Variants in ZSWIM8 observed in about 807,000 individuals in gnomAD.
The protein encoded by ZSWIM8 is zinc finger SWIM-type containing 8.
Under a neutral mutation model 173.7 loss-of-function variants are expected in ZSWIM8, and 27 were observed. The observed-to-expected ratio is 0.16, with a 90% CI of 0.11 to 0.21. The LOEUF (loss-of-function observed/expected upper bound fraction) is 0.21, where lower values mean the gene tolerates loss of function less well. ZSWIM8 is among the 10% of genes least tolerant of loss of function. The pLI, the probability that ZSWIM8 is intolerant of heterozygous loss-of-function variation, is 1.00. For synonymous variants in ZSWIM8, 958 were observed against 962.0 expected (o/e 1.00, Z 0.08); for missense variants, 1,627 against 2,428.8 (o/e 0.67, Z 6.94).
Position 73,799,107 on chromosome 10 carries a change from C to A in ZSWIM8, c.4282C>A (p.Leu1428Met), listed in dbSNP as rs1160377008. The change falls in exon 21 of 26, where the codon CTG (leucine) becomes ATG (methionine). Residue 1428 changes from leucine to methionine, a missense_variant. Physicochemically the swap from Leu to Met is conservative, Grantham distance 15. Transcript: ENST00000604729. ...LFEVAHQWFW[L>M]YEQTAGGSST... ...TGAGGTTGCTCACCAGTGGTTCTGGCTGTATGAGCAAACTGCAGGTGGCTC... is the reference window on the plus strand; with the variant it reads ...TGAGGTTGCTCACCAGTGGTTCTGGATGTATGAGCAAACTGCAGGTGGCTC... 1 of 1,613,604 alleles carries A rather than the reference C, an allele frequency of 6.2e-7. No homozygotes were observed. Among genetic ancestry groups the A allele is most frequent in the Non-Finnish European group, 8.5e-7 (1 of 1,179,788 alleles).
In ZSWIM8 at chr10:73,792,397, G is replaced by A. The variant is rs754794843; in HGVS notation, c.1858G>A (p.Glu620Lys). 2 of 1,604,954 alleles carry A rather than the reference G, an allele frequency of 1.2e-6. No individual in the cohort carries two copies. The highest frequency in any genetic ancestry group is 1.1e-5 in the South Asian group (1 of 89,994). Reference protein sequence around the residue: ...EDSSLEPDLAEMSLDDSSLAL... With the variant: ...EDSSLEPDLAKMSLDDSSLAL... ...CAGCTCCCTGGAGCCAGACCTGGCCGAGATGAGCCTGGATGACAGCAGCCT... is the reference window on the plus strand; with the variant it reads ...CAGCTCCCTGGAGCCAGACCTGGCCAAGATGAGCCTGGATGACAGCAGCCT... The change falls in exon 10 of 26, where the codon GAG (glutamate) becomes AAG (lysine). Residue 620 changes from glutamate to lysine, a missense_variant. Transcript: ENST00000604729. This position sits in a 1 kb window ranked among gnomAD's most constrained non-coding sequence, Gnocchi z 4.3.
chr10:73,786,395 A>G, intron 1 of ZSWIM8: 1 of 342,912 alleles, frequency 2.9e-6, no homozygotes, highest in Non-Finnish European at 5.3e-6. Flanking sequence ...GTGGACAGAA[A>G]GTAAATCTTT....
Position 73,789,342 on chromosome 10 carries a change from T to A in ZSWIM8, c.458-25T>A. ...AGACCCAGGTCCTGACAGCACTCCC[T>A]GACCATGCCCCCATTTCTCCCCAGG... On this transcript the variant is annotated intron_variant, in intron 3 of 25. Coordinates refer to ENST00000604729, the MANE Select transcript of ZSWIM8 (RefSeq NM_001367799.1). The surrounding 1 kb of genome is among the most constrained non-coding windows in gnomAD (Gnocchi z 6.8). 1 of 1,554,820 alleles carries A rather than the reference T, an allele frequency of 6.4e-7. No homozygotes were observed. The highest frequency in any genetic ancestry group is 8.7e-7 in the Non-Finnish European group (1 of 1,148,562).
Position 73,798,406 on chromosome 10 carries a change from T to C in ZSWIM8, c.4129T>C (p.Leu1377=), listed in dbSNP as rs527640407. Residue 1377 remains leucine, a synonymous_variant, in exon 20 of 26, where the codon TTG becomes CTG. Transcript: ENST00000604729. ...GAGCTGCCTGCCTCACGCCCATGCA[T>C]TGAACCCTAATGAGATCCAGCGGGC... is the stretch of plus-strand genomic sequence containing the variant. ...ALSCLPHAHA[L]NPNEIQRALV... 8.1e-6 allele frequency: 13 copies of C among 1,613,978 alleles called. No homozygotes were observed. The highest frequency in any genetic ancestry group is 2.7e-5 in the African/African-American group (2 of 75,028).
chr10:73,787,840 G>T, intron 1 of ZSWIM8, among the ~76,000 whole-genome samples: 1 of 152,058 alleles, frequency 6.6e-6, no homozygotes, highest in Admixed American at 6.6e-5. Context: ...GTGACAGAGT[G>T]AGACTTCATC....
rs2083413086 is a variant in ZSWIM8 at position 73,791,555 on chromosome 10, C to T, written c.1319+56C>T. The T allele has an allele frequency of 2.7e-6, 4 of 1,484,032 alleles. No homozygotes were observed. Among genetic ancestry groups the T allele is most frequent in the Non-Finnish European group, 3.6e-6 (4 of 1,110,424 alleles). 91.9% of individuals were successfully genotyped at this position (1,484,032 alleles called of 1,614,324 possible). A position where few individuals can be genotyped will look rare whatever the true frequency, so the allele number is the denominator to read the frequency against. ...TGAGCCTGGGCCAGCTCAGGACAGACTGAGCCTTCATCTCCTTGTTTGCAG... is the reference window on the plus strand; with the variant it reads ...TGAGCCTGGGCCAGCTCAGGACAGATTGAGCCTTCATCTCCTTGTTTGCAG... On this transcript the variant is annotated intron_variant, in intron 9 of 25. Transcript: ENST00000604729. This position sits in a 1 kb window ranked among gnomAD's most constrained non-coding sequence, Gnocchi z 6.0.
rs1395960121 is a variant in ZSWIM8 at position 73,799,999 on chromosome 10, C to T, written c.4666-12C>T. 1.2e-6 allele frequency: 2 copies of T among 1,611,130 alleles called. No homozygotes were observed. The highest frequency in any genetic ancestry group is 1.7e-5 in the Admixed American group (1 of 59,818). Reference sequence around the variant, plus strand: ...AGTTTGGCATCTTCCCCTTTCTTCTCCCTGCCCCTAGGGTGTGCATCCTGC... The same window carrying T: ...AGTTTGGCATCTTCCCCTTTCTTCTTCCTGCCCCTAGGGTGTGCATCCTGC... On this transcript the variant is annotated splice_polypyrimidine_tract_variant and intron_variant, in intron 21 of 25. Transcript: ENST00000604729.
At position 73,792,798 on chromosome 10, in the gene ZSWIM8, G is replaced by C. The variant is rs1357131148; in HGVS notation, c.2259G>C (p.Glu753Asp). 6.2e-7 allele frequency: 1 copy of C among 1,603,136 alleles called. No homozygotes were observed. Among genetic ancestry groups the C allele is most frequent in the South Asian group, 1.1e-5 (1 of 90,532 alleles). The change falls in exon 10 of 26, where the codon GAG becomes GAC. Residue 753 changes from glutamate (E) to aspartate (D), a missense_variant. By Grantham distance (45) the Glu-to-Asp change is conservative. Coordinates refer to ENST00000604729, the MANE Select transcript of ZSWIM8 (RefSeq NM_001367799.1). This position sits in a 1 kb window ranked among gnomAD's most constrained non-coding sequence, Gnocchi z 4.3. The stretch of plus-strand genomic sequence containing the variant: ...AGAAGGCCGAGGGCGGGGCTGGGGA[G>C]GAGCACGACCTGTTTGCTGGGCTGA... ...EEEKAEGGAG[E>D]EHDLFAGLKP...
In ZSWIM8 at chr10:73,793,893, G is replaced by T. The variant is rs184753630; in HGVS notation, c.2474G>T (p.Arg825Leu). 3 of 1,612,160 alleles carry T rather than the reference G, an allele frequency of 1.9e-6. No homozygotes were observed. The East Asian group carries it at 6.7e-5, about 36-fold the overall frequency. The change falls in exon 12 of 26, where the codon CGT (arginine) becomes CTT (leucine). Residue 825 changes from arginine (R) to leucine (L), a missense_variant. Around this residue, in one of 18 missense-constraint regions of ZSWIM8, gnomAD observed 169 missense variants for 235.3 expected, o/e 0.72. Coordinates refer to ENST00000604729, the MANE Select transcript of ZSWIM8 (RefSeq NM_001367799.1). ...KGKKNKVSTS[R>L]QTWVATNTLS... ...AAGAAGAACAAGGTATCCACGAGCC[G>T]TCAGACCTGGGTGGCTACCAACACC...
chr10:73,793,477 G>T lies in ZSWIM8; in HGVS notation c.2314-111G>T, dbSNP rs372753008. On this transcript the variant is annotated intron_variant, in intron 10 of 25. Transcript: ENST00000604729. ...ACCAGAGCTCCTATGGAGCGGCACAGGGCCTGGCATGTAGCAAGTGTTCAA... is the reference window on the plus strand; with the variant it reads ...ACCAGAGCTCCTATGGAGCGGCACATGGCCTGGCATGTAGCAAGTGTTCAA... 2.4e-6 allele frequency: 3 copies of T among 1,273,152 alleles called. No individual in the cohort carries two copies. The South Asian group carries it at 4.5e-5, about 19-fold the overall frequency. 78.9% of individuals were successfully genotyped at this position (1,273,152 alleles called of 1,614,324 possible).
At position 73,792,301 on chromosome 10, in the gene ZSWIM8, C is replaced by T. The variant is rs1179385500; in HGVS notation, c.1762C>T (p.Leu588=). The change falls in exon 10 of 26, where the codon CTG becomes TTG. Residue 588 remains leucine, a synonymous_variant. Coordinates refer to ENST00000604729, the MANE Select transcript of ZSWIM8 (RefSeq NM_001367799.1). This position sits in a 1 kb window ranked among gnomAD's most constrained non-coding sequence, Gnocchi z 4.3. ...MGPGGGKAKA[L]GGAGSGSKGS... is the part of the protein sequence containing the mutation. The stretch of plus-strand genomic sequence containing the variant: ...TCCAGGTGGGGGCAAAGCCAAGGCA[C>T]TGGGTGGGGCTGGCAGTGGGAGCAA... The T allele has an allele frequency of 6.2e-7, 1 of 1,611,772 alleles. No individual in the cohort carries two copies. The highest frequency in any genetic ancestry group is 2.2e-5 in the East Asian group (1 of 44,850).
At chr10:73,794,775 C>A in intron 14 of ZSWIM8, 136 bp downstream of exon 14, 2 of 763,052 alleles carry the variant, frequency 2.6e-6, no homozygotes, top group East Asian at 2.9e-5. Context: ...GCCTGTAAGA[C>A]AGGAATTCAG....
In ZSWIM8 at chr10:73,798,199, C is replaced by G. The variant is rs771033927; in HGVS notation, c.3953-31C>G. On this transcript the variant is annotated intron_variant, in intron 19 of 25. Coordinates refer to ENST00000604729, the MANE Select transcript of ZSWIM8 (RefSeq NM_001367799.1). Reference sequence around the variant, plus strand: ...ACACCCCAGTGGTGCCCACACTAACCCAACTCTGCCCTTCTCTCCTTTCCC... The same window carrying G: ...ACACCCCAGTGGTGCCCACACTAACGCAACTCTGCCCTTCTCTCCTTTCCC... 16 of 1,610,602 alleles carry G rather than the reference C, an allele frequency of 9.9e-6. No individual in the cohort carries two copies. The African/African-American group carries it at 2.0e-4, about 20-fold the overall frequency.
At position 73,795,588 on chromosome 10, in the gene ZSWIM8, C is replaced by T. The variant is rs999256896; in HGVS notation, c.2958C>T (p.Gly986=). Reference sequence around the variant, plus strand: ...CAGAACATCCCCTCTTATGTGAAGGCACACGTCGGGAGAAGGGTGACCTGG... The same window carrying T: ...CAGAACATCCCCTCTTATGTGAAGGTACACGTCGGGAGAAGGGTGACCTGG... ...SEAEHPLLCE[G]TRREKGDLAL... Residue 986 remains glycine (G), a synonymous_variant, in exon 15 of 26, where the codon GGC becomes GGT. Coordinates refer to ENST00000604729, the MANE Select transcript of ZSWIM8 (RefSeq NM_001367799.1). The T allele has an allele frequency of 3.1e-6, 5 of 1,613,846 alleles. No individual in the cohort carries two copies. The highest frequency in any genetic ancestry group is 1.6e-4 in the Middle Eastern group (1 of 6,082).
In ZSWIM8 at chr10:73,800,776, C is replaced by G; in HGVS notation, c.5122+17C>G. 6 of 1,588,782 alleles carry G rather than the reference C, an allele frequency of 3.8e-6. No homozygotes were observed. Among genetic ancestry groups the G allele is most frequent in the Non-Finnish European group, 5.2e-6 (6 of 1,164,340 alleles). ...CAAAGCTGGGTAACACCTCCCCTCC[C>G]TAGGACCATTGCCCCCCCCCCACCT... is the stretch of plus-strand genomic sequence containing the variant. On this transcript the variant is annotated intron_variant, in intron 24 of 25. Transcript: ENST00000604729. The surrounding 1 kb of genome is among the most constrained non-coding windows in gnomAD (Gnocchi z 4.1).
At position 73,791,585 on chromosome 10, in the gene ZSWIM8, A is replaced by G. The variant is rs1430068821; in HGVS notation, c.1319+86A>G. The G allele has an allele frequency of 3.6e-6, 5 of 1,403,860 alleles. No individual in the cohort carries two copies. The highest frequency in any genetic ancestry group is 3.8e-6 in the Non-Finnish European group (4 of 1,058,556). The allele number at this position is 1,403,860 out of a possible 1,614,324, so 87.0% of individuals were successfully genotyped here. Reference sequence around the variant, plus strand: ...CCTTCATCTCCTTGTTTGCAGAGACATACCATGATTTTAGTCCTCGGGAAA... The same window carrying G: ...CCTTCATCTCCTTGTTTGCAGAGACGTACCATGATTTTAGTCCTCGGGAAA... On this transcript the variant is annotated intron_variant, in intron 9 of 25. Coordinates refer to ENST00000604729, the MANE Select transcript of ZSWIM8 (RefSeq NM_001367799.1). This position sits in a 1 kb window ranked among gnomAD's most constrained non-coding sequence, Gnocchi z 6.0.
intron 12 of ZSWIM8, 31 bp from the exon 13 acceptor site, chr10:73,794,116 C>T: frequency 6.2e-7 from 1 of 1,612,960 alleles, no homozygotes; most frequent in African/African-American, 1.3e-5. Context: ...ATTGACACAC[C>T]AGAGGTCTGA....
chr10:73,796,075 A>G (rs534795649), intron 15 of ZSWIM8, among the ~76,000 whole-genome samples: 1 of 149,440 alleles, frequency 6.7e-6, no homozygotes, highest in Non-Finnish European at 1.5e-5. Flanking sequence ...GAAAAGTGCT[A>G]TTTTAGGCTG....
In ZSWIM8 at chr10:73,797,106, C is replaced by T. The variant is rs1274452766; in HGVS notation, c.3275-7C>T. The T allele has an allele frequency of 1.2e-6, 2 of 1,613,442 alleles. No homozygotes were observed. Among genetic ancestry groups the T allele is most frequent in the South Asian group, 2.2e-5 (2 of 90,988 alleles). On this transcript the variant is annotated splice_region_variant and splice_polypyrimidine_tract_variant and intron_variant, in intron 16 of 25. Transcript: ENST00000604729. This position sits in a 1 kb window ranked among gnomAD's most constrained non-coding sequence, Gnocchi z 5.6. ...GCTCATCCCAGCGTCCTGTTTTCCT[C>T]ACCTAGAGAGTTCCCCACATTCCCC...
Sources: gnomAD v4.1 joint callset for allele counts (sites outside exome capture counted in the v4.1 genomes callset) on GRCh38, gnomAD v4.1.1 for gene constraint, gnomAD v4.1.1 regional missense constraint, Gnocchi (gnomAD v3.1) non-coding constraint, MANE v1.5 for transcripts, NCBI Gene and HGNC (gene_info 2026-07-23, HGNC 2026-07-21) for gene names.